Variants in KDM1B observed in about 807,000 individuals in gnomAD.
The protein encoded by KDM1B is lysine demethylase 1B.
KDM1B carries 63 observed loss-of-function variants against 107.4 expected under a neutral mutation model. That is an observed-to-expected ratio of 0.59 (90% CI 0.48 to 0.72). The LOEUF (loss-of-function observed/expected upper bound fraction) is 0.72, where lower values mean the gene tolerates loss of function less well. KDM1B is among the 30% of genes least tolerant of loss of function. KDM1B has a pLI of 0.00. For synonymous variants in KDM1B, 363 were observed against 363.9 expected (o/e 1.00, Z 0.03); for missense variants, 749 against 1,020.8 (o/e 0.73, Z 3.63).
chr6:18,194,506 A>G (rs1330484890), intron 10 of KDM1B, among the ~76,000 whole-genome samples: 5 of 152,088 alleles, frequency 3.3e-5, no homozygotes, highest in South Asian at 2.1e-4. Context: ...GTAAATTGCT[A>G]TATTTTCCTG....
At position 18,172,087 on chromosome 6, in the gene KDM1B, C is replaced by T. The variant is rs962361800; in HGVS notation, c.534+608C>T. On this transcript the variant is annotated intron_variant, in intron 7 of 21. Coordinates refer to ENST00000650836, the MANE Select transcript of KDM1B (RefSeq NM_001364614.2). This position sits in a 1 kb window ranked among gnomAD's most constrained non-coding sequence, Gnocchi z 5.2. ...GAGGACAGAGGAAGAAAATATTTTA[C>T]GACTGAGGATGTTGCAACACTAAAC... 6.6e-6 allele frequency among the ~76,000 whole-genome samples: 1 copy of T among 152,088 alleles called. No homozygotes were observed. The highest frequency in any genetic ancestry group is 2.4e-5 in the African/African-American group (1 of 41,410).
intron 12 of KDM1B, among the ~76,000 whole-genome samples, chr6:18,198,981 C>T (rs1787850630): frequency 9.9e-6 from 1 of 100,758 alleles, no homozygotes; most frequent in Admixed American, 1.5e-4. Flanking sequence ...TCAGCCTGGG[C>T]AACATGGCAA....
In KDM1B at chr6:18,215,122, A is replaced by T; in HGVS notation, c.2225A>T (p.Lys742Met). 3 of 1,612,332 alleles carry T rather than the reference A, an allele frequency of 1.9e-6. No homozygotes were observed. Among genetic ancestry groups the T allele is most frequent in the Non-Finnish European group, 2.5e-6 (3 of 1,179,620 alleles). The stretch of plus-strand genomic sequence containing the variant: ...ATGGCCACGCTCCGGGAGCTGTTCA[A>T]GGAGCAGGTGAGAGAGAGGAAGCCC... ...QCMATLRELFKEQEVPDPTKY... is the reference protein window; with the variant it reads ...QCMATLRELFMEQEVPDPTKY... The change falls in exon 20 of 22, where the codon AAG (lysine) becomes ATG (methionine). Residue 742 changes from lysine to methionine, a missense_variant. By Grantham distance (95) the Lys-to-Met change is moderately conservative (BLOSUM62 -1). Transcript: ENST00000650836.
At chr6:18,166,608 G>T (rs1785314430) in intron 6 of KDM1B, among the ~76,000 whole-genome samples, 1 of 152,198 alleles carries the variant, frequency 6.6e-6, no homozygotes, top group Admixed American at 6.5e-5. Context: ...CCTTTGGTAG[G>T]CTGAGGTGGG....
Position 18,207,563 on chromosome 6 carries a change from C to G in KDM1B, c.1791+34C>G, listed in dbSNP as rs200356663. On this transcript the variant is annotated intron_variant, in intron 16 of 21. Coordinates refer to ENST00000650836, the MANE Select transcript of KDM1B (RefSeq NM_001364614.2). ...CAACTGCTGGGAGGCTCTGGCTCGC[C>G]TTGTTTGGGGAGGATGTGAAGTTCT... The G allele has an allele frequency of 5.6e-6, 9 of 1,612,184 alleles. No individual in the cohort carries two copies. In the East Asian group the frequency reaches 2.0e-4, roughly 36 times the overall value.
intron 9 of KDM1B, among the ~76,000 whole-genome samples, chr6:18,189,628 G>A (rs951831794): frequency 3.3e-4 from 50 of 152,268 alleles, no homozygotes; most frequent in African/African-American, 1.0e-3. Flanking sequence ...AGTATTCATG[G>A]TATTGTACAC....
Position 18,209,516 on chromosome 6 carries a change from G to C in KDM1B, c.1866+1310G>C, listed in dbSNP as rs558991549. On this transcript the variant is annotated intron_variant, in intron 17 of 21. Transcript: ENST00000650836. This position sits in a 1 kb window ranked among gnomAD's most constrained non-coding sequence, Gnocchi z 4.3. ...TCGGAGATCTTGGGCAGCAATCCCC[G>C]GGCTGCACGTCGGAACCACCTGGGA... 9.8e-5 allele frequency among the ~76,000 whole-genome samples: 15 copies of C among 152,300 alleles called. No homozygotes were observed. The East Asian group carries it at 2.9e-3, about 29-fold the overall frequency.
chr6:18,200,320 A>T lies in KDM1B; in HGVS notation c.1222-119A>T, dbSNP rs1348151879. 9.7e-7 allele frequency: 1 copy of T among 1,031,756 alleles called. No homozygotes were observed. Among genetic ancestry groups the T allele is most frequent in the Admixed American group, 2.6e-5 (1 of 38,984 alleles). The allele number at this position is 1,031,756 out of a possible 1,614,324, so 63.9% of individuals were successfully genotyped here. On this transcript the variant is annotated intron_variant, in intron 12 of 21. Coordinates refer to ENST00000650836, the MANE Select transcript of KDM1B (RefSeq NM_001364614.2). The surrounding 1 kb of genome is among the most constrained non-coding windows in gnomAD (Gnocchi z 4.3). ...GCTTTTTAAAGTTGTTTTTTTAGAA[A>T]TATTTGGAATTAACCAAATATAGAG...
chr6:18,157,472 G>A (rs933873052), intron 2 of KDM1B, among the ~76,000 whole-genome samples: 2 of 152,074 alleles, frequency 1.3e-5, no homozygotes, highest in African/African-American at 4.8e-5. Context: ...ACTTTCTTTT[G>A]AGAATGCATA....
chr6:18,173,268 G>T (rs1406038589), intron 7 of KDM1B, among the ~76,000 whole-genome samples: 1 of 152,036 alleles, frequency 6.6e-6, no homozygotes, highest in Non-Finnish European at 1.5e-5. Flanking sequence ...TCATTGTAGG[G>T]TTAGTTTGCA....
chr6:18,157,511 C>T (rs936003910), intron 2 of KDM1B, among the ~76,000 whole-genome samples: 4 of 152,124 alleles, frequency 2.6e-5, no homozygotes, highest in African/African-American at 9.7e-5. Context: ...TCAAATGTTG[C>T]ATGAACCTAG....
chr6:18,190,438 A>C lies in KDM1B; in HGVS notation c.785-759A>C, dbSNP rs1172886698. 2.1e-5 allele frequency among the ~76,000 whole-genome samples: 3 copies of C among 140,848 alleles called. No individual in the cohort carries two copies. In the East Asian group the frequency reaches 6.0e-4, roughly 28 times the overall value. The allele number at this position is 140,848 out of a possible 152,430, so 92.4% of individuals were successfully genotyped here. On this transcript the variant is annotated intron_variant, in intron 9 of 21. Coordinates refer to ENST00000650836, the MANE Select transcript of KDM1B (RefSeq NM_001364614.2). ...AAACCCCGTCTCTACTAAAAATACA[A>C]AAAAAAAAAAAAAATTAGCTGGGCA...
intron 5 of KDM1B, among the ~76,000 whole-genome samples, chr6:18,165,272 A>G (rs1250980886): frequency 1.3e-5 from 2 of 151,046 alleles, no homozygotes; most frequent in Non-Finnish European, 2.9e-5. Context: ...CTGGGACTAC[A>G]GGCACCCGCT....
In KDM1B at chr6:18,158,323, C is replaced by CA. The variant is rs56971577; in HGVS notation, c.-13-1538dup. 3.4e-3 allele frequency among the ~76,000 whole-genome samples: 333 copies of CA among 99,364 alleles called. 1 individual carries two copies. The highest frequency in any genetic ancestry group is 5.7e-3 in the East Asian group (20 of 3,530). 65.2% of individuals were successfully genotyped at this position (99,364 alleles called of 152,430 possible). On this transcript the variant is annotated intron_variant, in intron 2 of 21. Transcript: ENST00000650836. ...CGGGCGATAGAGTGAGACTCCTTCACAAAAAAAAAAAAAAAAAAAAAAGTC... is the reference window on the plus strand; with the variant it reads ...CGGGCGATAGAGTGAGACTCCTTCACAAAAAAAAAAAAAAAAAAAAAAAGTC...
chr6:18,199,241 A>G (rs1348663943), intron 12 of KDM1B, among the ~76,000 whole-genome samples: 1 of 152,076 alleles, frequency 6.6e-6, no homozygotes, highest in Non-Finnish European at 1.5e-5. Flanking sequence ...GAAAGAGGGT[A>G]GAACTACAAG....
chr6:18,198,705 C>G (rs142375588), intron 12 of KDM1B, among the ~76,000 whole-genome samples: 2 of 150,148 alleles, frequency 1.3e-5, no homozygotes, highest in East Asian at 3.9e-4. Flanking sequence ...CTGCTCCAGG[C>G]CTAGCACATG....
Position 18,197,472 on chromosome 6 carries a change from C to T in KDM1B, c.1147-115C>T. ...CCACATTCTTTAGGAAAATAACTTTCTAAGGACATCAAAGAAATGTAAATG... is the reference window on the plus strand; with the variant it reads ...CCACATTCTTTAGGAAAATAACTTTTTAAGGACATCAAAGAAATGTAAATG... On this transcript the variant is annotated intron_variant, in intron 11 of 21. Coordinates refer to ENST00000650836, the MANE Select transcript of KDM1B (RefSeq NM_001364614.2). The surrounding 1 kb of genome is among the most constrained non-coding windows in gnomAD (Gnocchi z 4.5). 1.1e-6 allele frequency: 1 copy of T among 880,952 alleles called. No homozygotes were observed. The highest frequency in any genetic ancestry group is 1.8e-6 in the Non-Finnish European group (1 of 547,414). The allele number at this position is 880,952 out of a possible 1,614,324, so 54.6% of individuals were successfully genotyped here.
At chr6:18,174,744 G>C (rs1232947508) in intron 7 of KDM1B, among the ~76,000 whole-genome samples, 1 of 152,094 alleles carries the variant, frequency 6.6e-6, no homozygotes, top group African/African-American at 2.4e-5. Context: ...ACTTCACTTA[G>C]AATAATAGTC....
rs1784823901 is a variant in KDM1B, at chr6:18,159,301, A to C, written c.-13-582A>C. ...TTTTTAAAGTGTAATAAGAGATCAA[A>C]GTGCAGGAACTGCTAAGAAGACACA... On this transcript the variant is annotated intron_variant, in intron 2 of 21. Coordinates refer to ENST00000650836, the MANE Select transcript of KDM1B (RefSeq NM_001364614.2). The surrounding 1 kb of genome is among the most constrained non-coding windows in gnomAD (Gnocchi z 4.5). 1.3e-5 allele frequency among the ~76,000 whole-genome samples: 2 copies of C among 152,184 alleles called. No homozygotes were observed. Among genetic ancestry groups the C allele is most frequent in the Admixed American group, 1.3e-4 (2 of 15,264 alleles).
Sources: gnomAD v4.1 joint callset for allele counts (sites outside exome capture counted in the v4.1 genomes callset) on GRCh38, gnomAD v4.1.1 for gene constraint, Gnocchi (gnomAD v3.1) non-coding constraint, MANE v1.5 for transcripts, NCBI Gene and HGNC (gene_info 2026-07-23, HGNC 2026-07-21) for gene names.